ARL6IP6: variants seen among roughly 807,000 people sequenced by gnomAD.
The protein encoded by ARL6IP6 is ADP-ribosylation factor-like protein 6-interacting protein 6.
A neutral mutation model predicts 21.5 loss-of-function variants in ARL6IP6; 22 were observed. The ratio of observed to expected loss-of-function variants is 1.02; its 90% confidence interval spans 0.73 to 1.46. ARL6IP6 has a LOEUF of 1.46. Ranked by LOEUF, ARL6IP6 falls within the 40% of genes most tolerant of loss-of-function variation. The pLI, the probability that ARL6IP6 is intolerant of heterozygous loss-of-function variation, is 0.00. For missense variants in ARL6IP6, 388 were observed against 299.8 expected, an observed-to-expected ratio of 1.29 and a Z score of -2.17; for synonymous variants, 164 against 125.3, an observed-to-expected ratio of 1.31 and a Z score of -2.06.
At chr2:152,726,359 A>G (rs1412015428) in intron 2 of ARL6IP6, among the ~76,000 whole-genome samples, 1 of 46,902 alleles carries the variant, frequency 2.1e-5, no homozygotes, top group African/African-American at 7.8e-5. Context: ...TATAGCTACC[A>G]TGCACTCTGC....
At chr2:152,733,619 T>C (rs1700424711) in intron 2 of ARL6IP6, among the ~76,000 whole-genome samples, 1 of 152,210 alleles carries the variant, frequency 6.6e-6, no homozygotes, top group Non-Finnish European at 1.5e-5. Flanking sequence ...TCCTATACTA[T>C]TTCAATATTT....
chr2:152,742,908 C>G (rs1386153754), intron 3 of ARL6IP6, among the ~76,000 whole-genome samples: 1 of 152,154 alleles, frequency 6.6e-6, no homozygotes, highest in Non-Finnish European at 1.5e-5. Context: ...AAGTAATTTG[C>G]AAGTAACATA....
chr2:152,719,392 A>G (rs1393909667), intron 1 of ARL6IP6, among the ~76,000 whole-genome samples: 2 of 152,240 alleles, frequency 1.3e-5, no homozygotes, highest in East Asian at 1.9e-4. Context: ...GCCATGTTCA[A>G]TGGCCTTCAT....
At chr2:152,726,442 G>T (rs78172213) in intron 2 of ARL6IP6, among the ~76,000 whole-genome samples, 1 of 152,138 alleles carries the variant, frequency 6.6e-6, no homozygotes, top group African/African-American at 2.4e-5. Context: ...TGGCTTTGAC[G>T]TGTAAAGAGA....
chr2:152,718,754 G>C lies in ARL6IP6; in HGVS notation c.130G>C (p.Glu44Gln). Residue 44 changes from glutamate (E) to glutamine (Q), a missense_variant, in exon 1 of 4, where the codon GAG becomes CAG. Coordinates refer to ENST00000326446, the MANE Select transcript of ARL6IP6 (RefSeq NM_152522.7). ...GDSWGEGEVD[E>Q]EEGCDQVARD... ...CAGCTGGGGTGAAGGCGAAGTCGAC[G>C]AGGAGGAGGGATGCGACCAAGTGGC... 1 of 1,610,328 alleles carries C rather than the reference G, an allele frequency of 6.2e-7. No individual in the cohort carries two copies. The highest frequency in any genetic ancestry group is 1.1e-5 in the South Asian group (1 of 90,314).
chr2:152,718,025 G>A, upstream of ARL6IP6: 1 of 994,760 alleles, frequency 1.0e-6, no homozygotes, highest in South Asian at 4.3e-5. Flanking sequence ...GGAAGGAGGC[G>A]TGTCGAGTAG....
At chr2:152,722,398 A>G (rs956438164) in intron 2 of ARL6IP6, among the ~76,000 whole-genome samples, 1 of 152,248 alleles carries the variant, frequency 6.6e-6, no homozygotes, top group Non-Finnish European at 1.5e-5. Context: ...CAATGGTCAG[A>G]TGAGCTCCAG....
At chr2:152,723,465 C>T (rs1202389128) in intron 2 of ARL6IP6, among the ~76,000 whole-genome samples, 2 of 152,124 alleles carry the variant, frequency 1.3e-5, no homozygotes, top group African/African-American at 4.8e-5. Context: ...CTTAATATTT[C>T]CGTGACTCAT....
intron 2 of ARL6IP6, among the ~76,000 whole-genome samples, chr2:152,733,587 C>T (rs143731481): frequency 2.0e-3 from 299 of 152,188 alleles, no homozygotes; most frequent in African/African-American, 7.1e-3. Flanking sequence ...TATATCAGTA[C>T]ACACCGTTTT....
At chr2:152,745,275 A>T (rs1303140881) in intron 3 of ARL6IP6, among the ~76,000 whole-genome samples, 1 of 152,154 alleles carries the variant, frequency 6.6e-6, no homozygotes. Context: ...ATAATATGCA[A>T]TTCAAGAAAA....
chr2:152,755,241 G>C (rs1486511896), intron 3 of ARL6IP6, among the ~76,000 whole-genome samples: 1 of 152,184 alleles, frequency 6.6e-6, no homozygotes, highest in Non-Finnish European at 1.5e-5. Flanking sequence ...AGCGGACCAT[G>C]GTCTAGCGGT....
chr2:152,743,849 G>GGATTA (rs1274157669), intron 3 of ARL6IP6, among the ~76,000 whole-genome samples: 1 of 152,170 alleles, frequency 6.6e-6, no homozygotes, highest in Non-Finnish European at 1.5e-5. Flanking sequence ...AGCTTGGATT[G>GGATTA]TTGAATCATC....
chr2:152,724,109 CAAAAA>C (rs546002979), intron 2 of ARL6IP6, among the ~76,000 whole-genome samples: 4 of 74,236 alleles, frequency 5.4e-5, no homozygotes, highest in South Asian at 1.0e-3. Context: ...TGACTAAGGC[CAAAAA>C]AAAAAAAAAA....
Position 152,761,882 on chromosome 2 carries a change from T to A in ARL6IP6, c.*2042T>A, listed in dbSNP as rs1198475613. On this transcript the variant is annotated 3_prime_UTR_variant, in exon 4 of 4. Transcript: ENST00000326446. ...TTTTCTCAGAATATATCCTTGTCATTAAGCCAAACATGACTATATATACCT... is the reference window on the plus strand; with the variant it reads ...TTTTCTCAGAATATATCCTTGTCATAAAGCCAAACATGACTATATATACCT... Among the ~76,000 whole-genome samples, 1 of 152,154 alleles carries A rather than the reference T, an allele frequency of 6.6e-6. No homozygotes were observed. The highest frequency in any genetic ancestry group is 1.9e-4 in the East Asian group (1 of 5,198).
At position 152,760,002 on chromosome 2, in the gene ARL6IP6, A is replaced by G; in HGVS notation, c.*162A>G. 1 of 581,918 alleles carries G rather than the reference A, an allele frequency of 1.7e-6. No individual in the cohort carries two copies. The highest frequency in any genetic ancestry group is 3.0e-6 in the Non-Finnish European group (1 of 330,548). The allele number at this position is 581,918 out of a possible 1,614,324, so 36.0% of individuals were successfully genotyped here. ...CTCATTATGGAAGACCTTTTAAAGCATTGTTTTAGAATGTCTGAGTATTAA... is the reference window on the plus strand; with the variant it reads ...CTCATTATGGAAGACCTTTTAAAGCGTTGTTTTAGAATGTCTGAGTATTAA... On this transcript the variant is annotated 3_prime_UTR_variant, in exon 4 of 4. Transcript: ENST00000326446.
At chr2:152,749,096 G>A (rs1701191959) in intron 3 of ARL6IP6, among the ~76,000 whole-genome samples, 1 of 152,024 alleles carries the variant, frequency 6.6e-6, no homozygotes, top group Non-Finnish European at 1.5e-5. Flanking sequence ...TATTTTAAAT[G>A]TATTCCATTC....
At chr2:152,727,404 G>C (rs1700095560) in intron 2 of ARL6IP6, among the ~76,000 whole-genome samples, 1 of 152,106 alleles carries the variant, frequency 6.6e-6, no homozygotes, top group Non-Finnish European at 1.5e-5. Flanking sequence ...AGTAAGCTAA[G>C]GTTAATTTAT....
chr2:152,758,330 G>C (rs1278138670), intron 3 of ARL6IP6, among the ~76,000 whole-genome samples: 1 of 151,564 alleles, frequency 6.6e-6, no homozygotes, highest in African/African-American at 2.4e-5. Context: ...CTACCTGCTT[G>C]GTTCATTTCG....
At chr2:152,723,447 G>T (rs540958700) in intron 2 of ARL6IP6, among the ~76,000 whole-genome samples, 1 of 152,210 alleles carries the variant, frequency 6.6e-6, no homozygotes, top group African/African-American at 2.4e-5. Context: ...GCCCACACAT[G>T]CTATTATCTT....
Sources: gnomAD v4.1 joint callset for allele counts (sites outside exome capture counted in the v4.1 genomes callset) on GRCh38, gnomAD v4.1.1 for gene constraint, MANE v1.5 for transcripts, NCBI Gene and HGNC (gene_info 2026-07-23, HGNC 2026-07-21) for gene names.